Variants in CDCP1 observed in about 807,000 individuals in gnomAD.
CDCP1 encodes CUB domain-containing protein 1.
In CDCP1, 29 loss-of-function variants were observed where a neutral mutation model predicts 60.2. The ratio of observed to expected loss-of-function variants is 0.48; its 90% CI spans 0.36 to 0.66. CDCP1 has a LOEUF of 0.66. Among genes scored for constraint, CDCP1 ranks in the 30% least tolerant of loss-of-function variants. The probability of loss-of-function intolerance (pLI) is 0.00; values close to 1 mark genes in which losing one functional copy is unlikely to be tolerated. For synonymous variants in CDCP1, 387 were observed against 431.1 expected (o/e 0.90, Z 1.27); for missense variants, 876 against 1,074.3 (o/e 0.82, Z 2.58).
At chr3:45,086,353 A>G (rs1698194198) in intron 8 of CDCP1, among the ~76,000 whole-genome samples, 1 of 152,212 alleles carries the variant, frequency 6.6e-6, no homozygotes, top group African/African-American at 2.4e-5. Flanking sequence ...TTCGTTTTTG[A>G]TAGATATGCG....
chr3:45,109,154 G>A (rs1201761810), intron 4 of CDCP1, among the ~76,000 whole-genome samples: 1 of 151,426 alleles, frequency 6.6e-6, no homozygotes, highest in Non-Finnish European at 1.5e-5. Flanking sequence ...TTGCCACGTA[G>A]GCCAGGCTGG....
chr3:45,146,026 G>C (rs1211668316), intron 1 of CDCP1, among the ~76,000 whole-genome samples, 180 bp downstream of exon 1: 1 of 151,938 alleles, frequency 6.6e-6, no homozygotes, highest in Non-Finnish European at 1.5e-5. Context: ...GCGCGCGCAG[G>C]AACCGAACAG....
At chr3:45,094,552 T>C (rs1698362672) in intron 5 of CDCP1, among the ~76,000 whole-genome samples, 1 of 152,156 alleles carries the variant, frequency 6.6e-6, no homozygotes, top group Admixed American at 6.5e-5. Flanking sequence ...TGAGCCACTG[T>C]GCCTGGCCAA....
intron 1 of CDCP1, among the ~76,000 whole-genome samples, chr3:45,121,952 G>T (rs1390987727): frequency 7.1e-6 from 1 of 140,768 alleles, no homozygotes; most frequent in African/African-American, 2.5e-5. Context: ...ATAATATTTT[G>T]GGGGAAGCCT....
At chr3:45,123,312 G>A (rs1272223003) in intron 1 of CDCP1, among the ~76,000 whole-genome samples, 1 of 152,162 alleles carries the variant, frequency 6.6e-6, no homozygotes, top group Non-Finnish European at 1.5e-5. Flanking sequence ...GCTGTAGTTT[G>A]TAACTATTCT....
In CDCP1 at chr3:45,113,093, C is replaced by T. The variant is rs76142536; in HGVS notation, c.293-648G>A. ...AGAGTCTGTGCTTTGGGATCTCCTA[C>T]TTCTCCTGTACTAAGAGAGTCACGA... On this transcript the variant is annotated intron_variant, in intron 2 of 8. Coordinates refer to ENST00000296129, the MANE Select transcript of CDCP1 (RefSeq NM_022842.5). Among the ~76,000 whole-genome samples the T allele has an allele frequency of 1.0e-3, 157 of 152,324 alleles. 3 individuals carry two copies. In the East Asian group the frequency reaches 0.028, roughly 27 times the overall value.
chr3:45,085,359 T>C lies in CDCP1; in HGVS notation c.*279A>G. 1 of 400,150 alleles carries C rather than the reference T, an allele frequency of 2.5e-6. No homozygotes were observed. Among genetic ancestry groups the C allele is most frequent in the Non-Finnish European group, 4.6e-6 (1 of 219,156 alleles). The allele number at this position is 400,150 out of a possible 1,614,324, so 24.8% of individuals were successfully genotyped here. On this transcript the variant is annotated 3_prime_UTR_variant, in exon 9 of 9. Coordinates refer to ENST00000296129, the MANE Select transcript of CDCP1 (RefSeq NM_022842.5). The surrounding 1 kb of genome is among the most constrained non-coding windows in gnomAD (Gnocchi z 4.2). ...TTGCTGCAACCCTATGCTAGGTGACTCAGGCCTCTCTCCTCTCATTACAGG... is the reference window on the plus strand; with the variant it reads ...TTGCTGCAACCCTATGCTAGGTGACCCAGGCCTCTCTCCTCTCATTACAGG...
chr3:45,093,719 T>C (rs776607065), intron 5 of CDCP1, 62 bp from the exon 6 acceptor site: 139 of 1,539,910 alleles, frequency 9.0e-5, no homozygotes, highest in Non-Finnish European at 1.1e-4. Context: ...CCTCCCCAGC[T>C]CTCCCGTCAG....
At chr3:45,090,584 G>C (rs892159786) in intron 7 of CDCP1, among the ~76,000 whole-genome samples, 1 of 152,186 alleles carries the variant, frequency 6.6e-6, no homozygotes, top group African/African-American at 2.4e-5. Context: ...GGTGTGAAGA[G>C]ACTTCCCCTA....
intron 2 of CDCP1, 111 bp downstream of exon 2, chr3:45,118,301 A>C: frequency 1.2e-6 from 1 of 808,942 alleles, no homozygotes. Context: ...GAGTTTCAGA[A>C]TAGATCTTAG....
In CDCP1 at chr3:45,085,820, G is replaced by A; in HGVS notation, c.2329C>T (p.Pro777Ser). The A allele has an allele frequency of 6.2e-7, 1 of 1,614,166 alleles. No homozygotes were observed. Residue 777 changes from proline to serine, a missense_variant, in exon 9 of 9, where the codon CCC becomes TCC. Physicochemically the swap from Pro to Ser is moderately conservative, Grantham distance 74. This residue lies in a region of CDCP1 where 726 missense variants were observed against 935.7 expected (regional missense o/e 0.78). Coordinates refer to ENST00000296129, the MANE Select transcript of CDCP1 (RefSeq NM_022842.5). This position sits in a 1 kb window ranked among gnomAD's most constrained non-coding sequence, Gnocchi z 4.2. Reference protein sequence around the residue: ...GTMGVCPPSPPTICSRAPTAK... With the variant: ...GTMGVCPPSPSTICSRAPTAK... ...GTTGGGGCCCTGGAGCATATGGTGG[G>A]TGGGGAGGGAGGACAGACCCCCATG...
intron 4 of CDCP1, among the ~76,000 whole-genome samples, chr3:45,097,326 G>GAAAGA (rs1288185445): frequency 2.7e-5 from 4 of 150,896 alleles, no homozygotes; most frequent in African/African-American, 7.3e-5. Context: ...AAGAAAGAAA[G>GAAAGA]AAAGAAAAGA....
chr3:45,098,781 ATGC>A (rs1698444109), intron 4 of CDCP1, among the ~76,000 whole-genome samples: 2 of 152,188 alleles, frequency 1.3e-5, no homozygotes, highest in Non-Finnish European at 2.9e-5. Context: ...ACTATATTGC[ATGC>A]TATAATGATT....
chr3:45,110,965 T>A (rs1698682493), intron 3 of CDCP1, 124 bp from the exon 4 acceptor site: 1 of 1,050,144 alleles, frequency 9.5e-7, no homozygotes, highest in African/African-American at 1.6e-5. Context: ...GAGCAGTGGG[T>A]CTAGATACTG....
intron 1 of CDCP1, among the ~76,000 whole-genome samples, chr3:45,119,007 C>T (rs570937580): frequency 5.3e-5 from 8 of 152,292 alleles, no homozygotes; most frequent in African/African-American, 1.7e-4. Flanking sequence ...CAGAAACCAT[C>T]CATCATAGGG....
intron 1 of CDCP1, among the ~76,000 whole-genome samples, chr3:45,131,417 T>C (rs549524884): frequency 2.3e-4 from 35 of 152,324 alleles, no homozygotes; most frequent in African/African-American, 8.2e-4. Context: ...GTTTTCATTA[T>C]CCTAAACAGA....
chr3:45,087,829 C>T (rs1186535561), intron 8 of CDCP1, among the ~76,000 whole-genome samples: 1 of 151,934 alleles, frequency 6.6e-6, no homozygotes, highest in Non-Finnish European at 1.5e-5. Flanking sequence ...ACCATCCTGG[C>T]CAACATGGTG....
chr3:45,129,023 T>C (rs1296925254), intron 1 of CDCP1, among the ~76,000 whole-genome samples: 1 of 152,246 alleles, frequency 6.6e-6, no homozygotes, highest in East Asian at 1.9e-4. Context: ...GGCCAAGTTA[T>C]TTATTTTCTA....
chr3:45,097,296 G>A (rs1156676786), intron 4 of CDCP1, among the ~76,000 whole-genome samples: 1 of 148,750 alleles, frequency 6.7e-6, no homozygotes, highest in Non-Finnish European at 1.5e-5. Context: ...AATAGAGCAA[G>A]ACTCTGTCTC....
Sources: allele counts gnomAD v4.1 joint callset (sites outside exome capture counted in the v4.1 genomes callset), GRCh38; gene constraint gnomAD v4.1.1; regional missense constraint gnomAD v4.1.1; non-coding constraint Gnocchi (gnomAD v3.1); transcripts MANE v1.5; gene names NCBI Gene and HGNC (gene_info 2026-07-23, HGNC 2026-07-21).